GPM6B: variants seen among roughly 807,000 people sequenced by gnomAD.
GPM6B encodes glycoprotein M6B, also known as neuronal membrane glycoprotein M6-b.
Under a neutral mutation model 27.2 loss-of-function variants are expected in GPM6B, and 4 were observed. The observed-to-expected ratio is 0.15, with a 90% CI of 0.07 to 0.34. The LOEUF is 0.34. Among genes scored for constraint, GPM6B ranks in the 10% least tolerant of loss-of-function variants. GPM6B has a pLI of 1.00. For synonymous variants in GPM6B, 124 were observed against 103.1 expected, an observed-to-expected ratio of 1.20 and a Z score of -1.23; for missense variants, 183 against 261.9, an observed-to-expected ratio of 0.70 and a Z score of 2.08.
At chrX:13,858,216 T>C (rs1186652756) in intron 1 of GPM6B, among the ~76,000 whole-genome samples, 2 of 112,060 alleles carry the variant, frequency 1.8e-5, no homozygotes, top group African/African-American at 6.5e-5. Flanking sequence ...TGAATATTTG[T>C]GCCTTGTCAT....
chrX:13,920,815 C>T (rs1238148294), intron 1 of GPM6B, among the ~76,000 whole-genome samples: 4 of 108,738 alleles, frequency 3.7e-5, no homozygotes, highest in East Asian at 5.7e-4. Context: ...GGTGTGAACC[C>T]CGGAGGCAGA....
chrX:13,792,894 G>C (rs1425681290), intron 2 of GPM6B, among the ~76,000 whole-genome samples: 1 of 52,767 alleles, frequency 1.9e-5, no homozygotes, highest in Non-Finnish European at 3.2e-5. Flanking sequence ...GCGAGACTCC[G>C]TTTAAAAAAA....
chrX:13,894,965 T>C (rs1310215950), intron 1 of GPM6B, among the ~76,000 whole-genome samples: 2 of 111,921 alleles, frequency 1.8e-5, no homozygotes, highest in African/African-American at 6.5e-5. Context: ...AATAAGTAAG[T>C]CGCAGTCACT....
At chrX:13,930,334 G>A (rs754054849) in intron 1 of GPM6B, among the ~76,000 whole-genome samples, 2 of 111,626 alleles carry the variant, frequency 1.8e-5, no homozygotes, top group Non-Finnish European at 1.9e-5. Flanking sequence ...AACAAGGGAG[G>A]CCGGGCACGG....
chrX:13,844,004 G>A (rs1048084525), intron 1 of GPM6B, among the ~76,000 whole-genome samples: 2 of 111,881 alleles, frequency 1.8e-5, no homozygotes, highest in African/African-American at 6.5e-5. Context: ...TTACTCCTGT[G>A]TTTTCTTCTA....
At chrX:13,809,504 G>A (rs187105088) in intron 1 of GPM6B, among the ~76,000 whole-genome samples, 85 of 111,415 alleles carry the variant, frequency 7.6e-4, no homozygotes, top group African/African-American at 2.2e-3. Flanking sequence ...GGCTGGGTGC[G>A]GTGGCTCACA....
rs1455963041 is a variant in GPM6B, at chrX:13,898,314, G to A, written c.-198+40013C>T. 3.6e-5 allele frequency among the ~76,000 whole-genome samples: 4 copies of A among 112,167 alleles called. No homozygotes were observed. The South Asian group carries it at 1.5e-3, about 41-fold the overall frequency. ...AATGTCTGCAAGACATTGCCAAATGGCCCCTGGGGAACAAATCGCTTCTGA... is the reference window on the plus strand; with the variant it reads ...AATGTCTGCAAGACATTGCCAAATGACCCCTGGGGAACAAATCGCTTCTGA... On this transcript the variant is annotated intron_variant, in intron 1 of 6. Coordinates refer to the GPM6B transcript ENST00000398361.
intron 1 of GPM6B, among the ~76,000 whole-genome samples, chrX:13,916,495 T>C (rs2050429658): frequency 9.0e-6 from 1 of 111,154 alleles, no homozygotes; most frequent in African/African-American, 3.3e-5. Flanking sequence ...ATCTGCAAAA[T>C]AGTCACGTAT....
In GPM6B at chrX:13,823,603, T is replaced by C. The variant is rs2049336990; in HGVS notation, c.-197-37795A>G. 2.8e-5 allele frequency among the ~76,000 whole-genome samples: 3 copies of C among 106,042 alleles called. No homozygotes were observed. The South Asian group carries it at 1.3e-3, about 48-fold the overall frequency. The allele number at this position is 106,042 out of a possible 115,157, so 92.1% of individuals were successfully genotyped here. A position where few individuals can be genotyped will look rare whatever the true frequency, so the allele number is the denominator to read the frequency against. ...GGCATGATCTCGGCTCCCTGCAACC[T>C]CTGCCTCTCGAGTTCAAGCGATTCT... On this transcript the variant is annotated intron_variant, in intron 1 of 6. Coordinates refer to the GPM6B transcript ENST00000398361.
At chrX:13,802,392 C>T (rs186421466) in intron 2 of GPM6B, among the ~76,000 whole-genome samples, 1 of 111,278 alleles carries the variant, frequency 9.0e-6, no homozygotes, top group Non-Finnish European at 1.9e-5. Flanking sequence ...GACCAAAAGA[C>T]AAAGGGAGCT....
chrX:13,922,071 C>G (rs1279974496), intron 1 of GPM6B, among the ~76,000 whole-genome samples: 1 of 111,545 alleles, frequency 9.0e-6, no homozygotes. Flanking sequence ...CACCCTGGCC[C>G]TGTTTTACCT....
intron 1 of GPM6B, among the ~76,000 whole-genome samples, chrX:13,842,376 G>A (rs779792251): frequency 2.7e-5 from 3 of 111,829 alleles, no homozygotes; most frequent in South Asian, 3.8e-4. Flanking sequence ...AAAATTTGGC[G>A]AAATATATCA....
chrX:13,927,737 G>C (rs1251597826), intron 1 of GPM6B, among the ~76,000 whole-genome samples: 1 of 112,693 alleles, frequency 8.9e-6, no homozygotes, highest in Non-Finnish European at 1.9e-5. Context: ...ATCAAATCCT[G>C]AATAGGTATG....
At chrX:13,778,459 T>C (rs761294830) in intron 5 of GPM6B, among the ~76,000 whole-genome samples, 6 of 112,553 alleles carry the variant, frequency 5.3e-5, no homozygotes, top group East Asian at 5.5e-4. Context: ...GCAATGACAG[T>C]TGTCCAGTGG....
intron 2 of GPM6B, among the ~76,000 whole-genome samples, chrX:13,795,742 CTTTTTTTT>C (rs146240939): frequency 1.2e-5 from 1 of 82,798 alleles, no homozygotes; most frequent in African/African-American, 4.6e-5. Context: ...AATTTCTTTT[CTTTTTTTT>C]TTTTTTTTTT....
intron 1 of GPM6B, among the ~76,000 whole-genome samples, chrX:13,931,375 C>T (rs1921534621): frequency 9.2e-6 from 1 of 108,303 alleles, no homozygotes; most frequent in African/African-American, 3.4e-5. Context: ...GTAGTCCCAG[C>T]TACTCCGGAG....
intron 1 of GPM6B, among the ~76,000 whole-genome samples, chrX:13,891,143 G>T (rs1237332851): frequency 9.0e-6 from 1 of 110,826 alleles, no homozygotes; most frequent in African/African-American, 3.3e-5. Flanking sequence ...AAAAAAAAGG[G>T]CAAAAACCAC....
intron 4 of GPM6B, 139 bp from the exon 5 acceptor site, chrX:13,780,128 C>A: frequency 2.2e-6 from 1 of 451,621 alleles, no homozygotes; most frequent in Non-Finnish European, 3.5e-6. Flanking sequence ...GCATTGGTAG[C>A]AAGAAGGAAA....
At chrX:13,897,208 C>T (rs1386473434) in intron 1 of GPM6B, among the ~76,000 whole-genome samples, 46 of 112,130 alleles carry the variant, frequency 4.1e-4, no homozygotes, top group Non-Finnish European at 8.3e-4. Context: ...AGAGTCAACA[C>T]ATTTTTAAAC....
Sources: allele counts gnomAD v4.1 joint callset (sites outside exome capture counted in the v4.1 genomes callset), GRCh38; gene constraint gnomAD v4.1.1; transcripts MANE v1.5; gene names NCBI Gene and HGNC (gene_info 2026-07-23, HGNC 2026-07-21).